CTNNA2: variants seen among roughly 807,000 people sequenced by gnomAD.
CTNNA2 encodes catenin alpha 2, also known as catenin alpha-2.
Under a neutral mutation model 101.0 loss-of-function variants are expected in CTNNA2, and 42 were observed. The ratio of observed to expected loss-of-function variants is 0.42; its 90% confidence interval spans 0.32 to 0.54. The LOEUF is 0.54. CTNNA2 is among the 20% of genes least tolerant of loss of function. The pLI, the probability that CTNNA2 is intolerant of heterozygous loss-of-function variation, is 0.14. For synonymous variants in CTNNA2, 450 were observed against 456.4 expected, an observed-to-expected ratio of 0.99 and a Z score of 0.18; for missense variants, 871 against 1,223.1, an observed-to-expected ratio of 0.71 and a Z score of 4.29.
At chr2:79,932,992 C>T (rs949786433) in intron 7 of CTNNA2, among the ~76,000 whole-genome samples, 2 of 152,234 alleles carry the variant, frequency 1.3e-5, no homozygotes, top group East Asian at 1.9e-4. Context: ...TCTGTACGTA[C>T]GTCATTTTAG....
chr2:79,803,975 C>T (rs1038679139), intron 3 of CTNNA2, among the ~76,000 whole-genome samples: 7 of 152,204 alleles, frequency 4.6e-5, no homozygotes, highest in Non-Finnish European at 1.0e-4. Context: ...GGATAAAGGT[C>T]ACTAGACTCT....
intron 7 of CTNNA2, among the ~76,000 whole-genome samples, chr2:80,085,186 A>G (rs1699365716): frequency 1.3e-5 from 2 of 152,100 alleles, no homozygotes; most frequent in African/African-American, 4.8e-5. Context: ...TTCATTTTCC[A>G]TGACCAATAT....
intron 3 of CTNNA2, among the ~76,000 whole-genome samples, chr2:79,844,598 A>G (rs1382947950): frequency 6.6e-6 from 1 of 152,086 alleles, no homozygotes; most frequent in Non-Finnish European, 1.5e-5. Flanking sequence ...ACTTCATGCA[A>G]CTGGTGTGGT....
intron 4 of CTNNA2, among the ~76,000 whole-genome samples, chr2:79,503,247 T>G (rs1350321570): frequency 3.3e-5 from 5 of 152,222 alleles, no homozygotes; most frequent in African/African-American, 1.2e-4. Flanking sequence ...AAATGGTTGT[T>G]AATTTCTCTT....
At chr2:79,279,358 C>T (rs1675300649) in intron 2 of CTNNA2, among the ~76,000 whole-genome samples, 1 of 152,056 alleles carries the variant, frequency 6.6e-6, no homozygotes, top group African/African-American at 2.4e-5. Flanking sequence ...AGGAAATTCA[C>T]CATAAATGCC....
intron 4 of CTNNA2, among the ~76,000 whole-genome samples, chr2:79,398,030 C>A (rs1183999492): frequency 2.6e-5 from 4 of 152,188 alleles, no homozygotes; most frequent in Non-Finnish European, 5.9e-5. Context: ...ACTAAAGAAC[C>A]AGAAAGCTTC....
chr2:80,637,414 A>G (rs552922455), intron 18 of CTNNA2, among the ~76,000 whole-genome samples: 19 of 151,674 alleles, frequency 1.3e-4, no homozygotes, highest in African/African-American at 4.6e-4. Flanking sequence ...CTTTAAGTCT[A>G]GAGTCCAGGT....
rs184066565 is a variant in CTNNA2 at position 79,815,184 on chromosome 2, T to C, written c.299-42829T>C. On this transcript the variant is annotated intron_variant, in intron 3 of 18. Transcript: ENST00000402739. ...TTTTGGATATTCGTTCTTTGTCAGA[T>C]GTATAGATTGTGAAGATTTTCTCCC... Among the ~76,000 whole-genome samples, 7 of 152,310 alleles carry C rather than the reference T, an allele frequency of 4.6e-5. No individual in the cohort carries two copies. In the East Asian group the frequency reaches 1.3e-3, roughly 29 times the overall value.
intron 18 of CTNNA2, among the ~76,000 whole-genome samples, chr2:80,631,176 CTTAATA>C (rs768759730): frequency 2.6e-5 from 4 of 152,104 alleles, no homozygotes; most frequent in Admixed American, 6.6e-5. Context: ...AAACTTTCAT[CTTAATA>C]TTAAGCATGA....
chr2:80,342,794 A>G (rs1207754719), intron 7 of CTNNA2, among the ~76,000 whole-genome samples: 1 of 152,234 alleles, frequency 6.6e-6, no homozygotes, highest in African/African-American at 2.4e-5. Flanking sequence ...TCTAGAGGGT[A>G]TCGGAACAAA....
At chr2:79,872,809 G>A (rs912557163) in intron 5 of CTNNA2, among the ~76,000 whole-genome samples, 1 of 152,166 alleles carries the variant, frequency 6.6e-6, no homozygotes, top group East Asian at 1.9e-4. Flanking sequence ...GAGAAGCCCA[G>A]TGGTTCAAAT....
chr2:80,640,980 C>G (rs896098815), intron 18 of CTNNA2, among the ~76,000 whole-genome samples: 2 of 152,106 alleles, frequency 1.3e-5, no homozygotes, highest in South Asian at 2.1e-4. Flanking sequence ...CGTTCTTGTT[C>G]TTATATGTTA....
At chr2:80,043,426 G>A (rs143821160) in intron 7 of CTNNA2, among the ~76,000 whole-genome samples, 65 of 152,042 alleles carry the variant, frequency 4.3e-4, no homozygotes, top group African/African-American at 1.1e-3. Context: ...TCGAACTCCT[G>A]ACCTCAAGTG....
chr2:80,565,171 T>G (rs1357594476), intron 12 of CTNNA2, among the ~76,000 whole-genome samples: 1 of 152,136 alleles, frequency 6.6e-6, no homozygotes, highest in African/African-American at 2.4e-5. Flanking sequence ...ATTGTTTTGT[T>G]TTTATTTTCT....
At chr2:79,443,482 G>T (rs1358271033) in intron 4 of CTNNA2, among the ~76,000 whole-genome samples, 1 of 151,942 alleles carries the variant, frequency 6.6e-6, no homozygotes, top group Non-Finnish European at 1.5e-5. Flanking sequence ...TCAGTCTACA[G>T]ATTCAAATCT....
intron 7 of CTNNA2, among the ~76,000 whole-genome samples, chr2:80,137,493 C>A (rs930210996): frequency 6.6e-6 from 1 of 152,026 alleles, no homozygotes; most frequent in African/African-American, 2.4e-5. Context: ...TCCTTGAATT[C>A]CTGGGAGTCT....
intron 1 of CTNNA2, among the ~76,000 whole-genome samples, chr2:79,191,491 T>C (rs1232769476): frequency 2.6e-5 from 4 of 152,136 alleles, no homozygotes; most frequent in Non-Finnish European, 5.9e-5. Context: ...CACCCTAACC[T>C]TGGTCACAGA....
chr2:80,199,561 G>A (rs4852562), intron 7 of CTNNA2, among the ~76,000 whole-genome samples: 1 of 152,190 alleles, frequency 6.6e-6, no homozygotes, highest in Non-Finnish European at 1.5e-5. Context: ...AGCAGGAGTA[G>A]CACATGGGAG....
At position 79,672,422 on chromosome 2, in the gene CTNNA2, CCT is replaced by C. The variant is rs557178605; in HGVS notation, c.102+20765_102+20766del. 5.0e-3 allele frequency among the ~76,000 whole-genome samples: 759 copies of C among 152,068 alleles called. 3 individuals carry two copies. The highest frequency in any genetic ancestry group is 0.017 in the Middle Eastern group (5 of 294). ...CATGAATAGAAATGTCCAATTATTC[CCT>C]TTTTTTGTAATCGGTTCTAAGAAAA... On this transcript the variant is annotated intron_variant, in intron 2 of 18. Transcript: ENST00000402739.
Sources: gnomAD v4.1 joint callset for allele counts (sites outside exome capture counted in the v4.1 genomes callset) on GRCh38, gnomAD v4.1.1 for gene constraint, MANE v1.5 for transcripts, NCBI Gene and HGNC (gene_info 2026-07-23, HGNC 2026-07-21) for gene names.